HMGXB4: variants seen among roughly 807,000 people sequenced by gnomAD.
HMGXB4 encodes the protein HMG domain-containing protein 4.
HMGXB4 carries 27 observed loss-of-function variants against 63.9 expected under a neutral mutation model. The observed-to-expected ratio is 0.42, with a 90% confidence interval of 0.31 to 0.58. HMGXB4 has a LOEUF of 0.58. Ranked by LOEUF, HMGXB4 falls within the 20% of genes least tolerant of loss-of-function variation. The pLI, the probability that HMGXB4 is intolerant of heterozygous loss-of-function variation, is 0.13. For missense variants in HMGXB4, 624 were observed against 700.7 expected (o/e 0.89, Z 1.24); for synonymous variants, 264 against 265.3 (o/e 0.99, Z 0.05).
intron 3 of HMGXB4, 128 bp from the exon 4 acceptor site, chr22:35,263,668 T>A (rs1923011094): frequency 2.9e-6 from 2 of 678,108 alleles, no homozygotes; most frequent in Non-Finnish European, 5.3e-6. Context: ...AATAAAACGT[T>A]ATGCACATCT....
intron 5 of HMGXB4, among the ~76,000 whole-genome samples, chr22:35,265,892 C>T (rs1276753356): frequency 6.6e-6 from 1 of 151,310 alleles, no homozygotes; most frequent in Non-Finnish European, 1.5e-5. Context: ...GTTCAAGCCT[C>T]ACCCTCCCAA....
chr22:35,258,921 AT>A (rs1182847797), intron 1 of HMGXB4, among the ~76,000 whole-genome samples: 1 of 152,136 alleles, frequency 6.6e-6, no homozygotes, highest in Non-Finnish European at 1.5e-5. Context: ...TTCGATACTC[AT>A]TTACATTATG....
chr22:35,286,329 GTAAT>G (rs1397011179), intron 7 of HMGXB4, among the ~76,000 whole-genome samples: 1 of 152,214 alleles, frequency 6.6e-6, no homozygotes, highest in Non-Finnish European at 1.5e-5. Context: ...AAGTTGAGGA[GTAAT>G]TAAAGTGTTA....
chr22:35,252,445 C>T, the HMGXB4 span, among the ~76,000 whole-genome samples: 1 of 152,206 alleles, frequency 6.6e-6, no homozygotes, highest in Non-Finnish European at 1.5e-5. Context: ...ACAGAGACCT[C>T]ACAGAAGCAC....
intron 8 of HMGXB4, 135 bp downstream of exon 8, chr22:35,287,587 A>G (rs1924672698): frequency 4.6e-6 from 3 of 649,904 alleles, no homozygotes; most frequent in Non-Finnish European, 8.3e-6. Context: ...GAATGTTACA[A>G]GCTACCAAAA....
chr22:35,256,854 G>A (rs1426250252), upstream of HMGXB4, among the ~76,000 whole-genome samples: 1 of 152,202 alleles, frequency 6.6e-6, no homozygotes, highest in Non-Finnish European at 1.5e-5. Context: ...CTCATTGGTC[G>A]AAGTTCTCAA....
At chr22:35,246,319 G>C in the HMGXB4 span, among the ~76,000 whole-genome samples, 2 of 152,064 alleles carry the variant, frequency 1.3e-5, no homozygotes, top group African/African-American at 4.8e-5. Flanking sequence ...CTGTCGCCCA[G>C]GATAGAGTGC....
Position 35,263,060 on chromosome 22 carries a change from T to C in HMGXB4, c.32-18T>C, listed in dbSNP as rs1195439042. On this transcript the variant is annotated intron_variant, in intron 2 of 10. Coordinates refer to ENST00000216106, the MANE Select transcript of HMGXB4 (RefSeq NM_001003681.3). ...TGACTTTCTCATTTCCTTTCCCAAATAAACCTGTGCTTCTCAGATTGTTTT... is the reference window on the plus strand; with the variant it reads ...TGACTTTCTCATTTCCTTTCCCAAACAAACCTGTGCTTCTCAGATTGTTTT... The C allele has an allele frequency of 1.9e-5, 30 of 1,611,692 alleles. No individual in the cohort carries two copies. The highest frequency in any genetic ancestry group is 2.5e-5 in the Non-Finnish European group (30 of 1,179,292).
the HMGXB4 span, among the ~76,000 whole-genome samples, chr22:35,248,596 GGTTTCA>G: frequency 2.2e-4 from 33 of 151,970 alleles, no homozygotes; most frequent in African/African-American, 8.0e-4. Flanking sequence ...GTAGAGACAG[GGTTTCA>G]CCACGTTGCC....
chr22:35,286,364 G>T (rs1043576734), intron 7 of HMGXB4, among the ~76,000 whole-genome samples: 1 of 152,182 alleles, frequency 6.6e-6, no homozygotes, highest in Non-Finnish European at 1.5e-5. Flanking sequence ...TAAAATCAGA[G>T]CCCTTTACTG....
At position 35,265,478 on chromosome 22, in the gene HMGXB4, C is replaced by G. The variant is rs749919403; in HGVS notation, c.1090C>G (p.Pro364Ala). 3.1e-6 allele frequency: 5 copies of G among 1,614,092 alleles called. No homozygotes were observed. Among genetic ancestry groups the G allele is most frequent in the Non-Finnish European group, 4.2e-6 (5 of 1,180,016 alleles). Reference sequence around the variant, plus strand: ...GGTCACAGTGACATCTGGCCCTCCTCCCAGCATCCCATACGCTGGAGCAGC... The same window carrying G: ...GGTCACAGTGACATCTGGCCCTCCTGCCAGCATCCCATACGCTGGAGCAGC... ...GEVTVTSGPP[P>A]SIPYAGAAAP... Residue 364 changes from proline (P) to alanine (A), a missense_variant, in exon 5 of 11, where the codon CCC (proline) becomes GCC (alanine). Around this residue, in one of 2 missense-constraint regions of HMGXB4, gnomAD observed 472 missense variants for 470.6 expected, o/e 1.00. Coordinates refer to ENST00000216106, the MANE Select transcript of HMGXB4 (RefSeq NM_001003681.3).
In HMGXB4 at chr22:35,262,275, C is replaced by A. The variant is rs538222100; in HGVS notation, c.-68-48C>A. On this transcript the variant is annotated intron_variant, in intron 1 of 10. Coordinates refer to ENST00000216106, the MANE Select transcript of HMGXB4 (RefSeq NM_001003681.3). Reference sequence around the variant, plus strand: ...CATTTCCATCTGGAAGGTTGCTTCTCCTCAGTGATTTCGCATTACAGGAGG... The same window carrying A: ...CATTTCCATCTGGAAGGTTGCTTCTACTCAGTGATTTCGCATTACAGGAGG... 3.0e-5 allele frequency: 31 copies of A among 1,037,760 alleles called. No homozygotes were observed. The South Asian group carries it at 3.9e-4, about 13-fold the overall frequency. The allele number at this position is 1,037,760 out of a possible 1,614,324, so 64.3% of individuals were successfully genotyped here.
intron 2 of HMGXB4, chr22:35,262,847 G>T (rs1922948785): frequency 1.8e-5 from 10 of 565,334 alleles, no homozygotes; most frequent in South Asian, 6.7e-5. Flanking sequence ...TGCACATGGG[G>T]CCTTTGCATA....
At chr22:35,255,946 C>T (rs181605840), upstream of HMGXB4, among the ~76,000 whole-genome samples, 189 of 152,280 alleles carry the variant, frequency 1.2e-3, 1 homozygote, top group African/African-American at 4.4e-3. Flanking sequence ...ATGGGAGCTG[C>T]GGAGAAAAAG....
chr22:35,266,787 G>C (rs554760308), intron 5 of HMGXB4, among the ~76,000 whole-genome samples: 1 of 152,012 alleles, frequency 6.6e-6, no homozygotes, highest in Admixed American at 6.6e-5. Context: ...GTTCGGGACC[G>C]GCCTGGGCAA....
intron 1 of HMGXB4, among the ~76,000 whole-genome samples, chr22:35,260,142 C>G (rs1922751802): frequency 6.6e-6 from 1 of 152,208 alleles, no homozygotes; most frequent in Admixed American, 6.5e-5. Context: ...CCAGCCTTTG[C>G]TTACATATAC....
chr22:35,250,404 G>A, the HMGXB4 span, among the ~76,000 whole-genome samples: 1 of 152,140 alleles, frequency 6.6e-6, no homozygotes, highest in South Asian at 2.1e-4. Context: ...GGAAGTTCCA[G>A]CCTCTTTTAA....
At chr22:35,254,473 CG>C (rs1473725659), upstream of HMGXB4, among the ~76,000 whole-genome samples, 11 of 152,202 alleles carry the variant, frequency 7.2e-5, no homozygotes, top group Non-Finnish European at 1.5e-4. Context: ...GAGCTAGCTC[CG>C]GTGTGCACCT....
rs779752670 is a variant in HMGXB4 at position 35,285,889 on chromosome 22, T to G, written c.1298-108T>G. The G allele has an allele frequency of 4.4e-4, 346 of 778,714 alleles. 1 individual carries two copies. The highest frequency in any genetic ancestry group is 6.0e-4 in the Non-Finnish European group (293 of 485,154). 48.2% of individuals were successfully genotyped at this position (778,714 alleles called of 1,614,324 possible). On this transcript the variant is annotated intron_variant, in intron 6 of 10. Coordinates refer to ENST00000216106, the MANE Select transcript of HMGXB4 (RefSeq NM_001003681.3). The stretch of plus-strand genomic sequence containing the variant: ...GGTTTTCTGAAAGCATCTTGCAACA[T>G]TTAAATATGAGCTTCAAAACCCTTT...
Sources: gnomAD v4.1 joint callset for allele counts (sites outside exome capture counted in the v4.1 genomes callset) on GRCh38, gnomAD v4.1.1 for gene constraint, gnomAD v4.1.1 regional missense constraint, MANE v1.5 for transcripts, NCBI Gene and HGNC (gene_info 2026-07-23, HGNC 2026-07-21) for gene names.